The following ZFAND3 variants were observed in gnomAD, a reference collection of about 807,000 sequenced individuals.
ZFAND3 encodes the protein AN1-type zinc finger protein 3.
Under a neutral mutation model 29.6 loss-of-function variants are expected in ZFAND3, and 10 were observed. The observed-to-expected ratio is 0.34, with a 90% CI of 0.21 to 0.57. ZFAND3 has a LOEUF of 0.57. ZFAND3 is among the 20% of genes least tolerant of loss of function. ZFAND3 has a pLI of 0.86. For missense variants in ZFAND3, 230 were observed against 304.5 expected (o/e 0.76, Z 1.82); for synonymous variants, 128 against 112.6 (o/e 1.14, Z -0.87).
intron 1 of ZFAND3, among the ~76,000 whole-genome samples, chr6:37,889,407 C>G (rs1373289568): frequency 6.6e-6 from 1 of 152,064 alleles, no homozygotes. Context: ...TGGCTTAGAC[C>G]AATTTTGATT....
intron 2 of ZFAND3, among the ~76,000 whole-genome samples, chr6:37,947,837 G>A (rs907196088): frequency 6.6e-6 from 1 of 151,968 alleles, no homozygotes; most frequent in African/African-American, 2.4e-5. Context: ...TAAATCTTCA[G>A]TATTTACTTT....
chr6:38,016,689 A>T (rs897683253), intron 2 of ZFAND3, among the ~76,000 whole-genome samples: 2 of 152,200 alleles, frequency 1.3e-5, no homozygotes, highest in African/African-American at 2.4e-5. Context: ...CATACATGGT[A>T]TGTAAAGGTA....
chr6:38,093,207 G>A (rs539378320), intron 4 of ZFAND3, among the ~76,000 whole-genome samples: 2 of 152,318 alleles, frequency 1.3e-5, no homozygotes, highest in South Asian at 4.1e-4. Context: ...TCTGTGGGTA[G>A]TGGCCAGTGG....
At chr6:37,854,231 G>A (rs941652825) in intron 1 of ZFAND3, among the ~76,000 whole-genome samples, 1 of 152,144 alleles carries the variant, frequency 6.6e-6, no homozygotes, top group South Asian at 2.1e-4. Flanking sequence ...GATTACAAGC[G>A]TGATCCACTG....
chr6:37,884,494 C>CAAAAAAAAA (rs58015486), intron 1 of ZFAND3, among the ~76,000 whole-genome samples: 1 of 53,842 alleles, frequency 1.9e-5, no homozygotes, highest in Non-Finnish European at 3.0e-5. Context: ...AACTCTAGCT[C>CAAAAAAAAA]AAAAAAAAAA....
intron 2 of ZFAND3, among the ~76,000 whole-genome samples, chr6:38,017,529 TTTAGC>T (rs1763272385): frequency 6.6e-6 from 1 of 152,218 alleles, no homozygotes; most frequent in Non-Finnish European, 1.5e-5. Flanking sequence ...CTGAAGGCAC[TTTAGC>T]AGAGCTTGTC....
At chr6:37,885,242 G>T (rs191731356) in intron 1 of ZFAND3, among the ~76,000 whole-genome samples, 34 of 152,268 alleles carry the variant, frequency 2.2e-4, no homozygotes, top group African/African-American at 8.2e-4. Flanking sequence ...GGTCTCTATT[G>T]AGGTGACTAT....
intron 2 of ZFAND3, among the ~76,000 whole-genome samples, chr6:38,027,866 A>G (rs1763479191): frequency 6.6e-6 from 1 of 152,208 alleles, no homozygotes; most frequent in Admixed American, 6.5e-5. Context: ...TTTGAGCACA[A>G]GTGCTCCTGA....
intron 2 of ZFAND3, among the ~76,000 whole-genome samples, chr6:37,999,796 A>G (rs1762912810): frequency 1.3e-5 from 2 of 152,236 alleles, no homozygotes; most frequent in African/African-American, 4.8e-5. Context: ...TGGGAAAAGA[A>G]CATCAGGTAA....
intron 5 of ZFAND3, among the ~76,000 whole-genome samples, chr6:38,126,869 ATT>A (rs1001867825): frequency 6.6e-6 from 1 of 151,088 alleles, no homozygotes; most frequent in Non-Finnish European, 1.5e-5. Flanking sequence ...ATTCCTAAAT[ATT>A]TTAGTTTGTG....
At chr6:38,048,149 G>A (rs1039862061) in intron 2 of ZFAND3, among the ~76,000 whole-genome samples, 5 of 151,850 alleles carry the variant, frequency 3.3e-5, no homozygotes, top group Non-Finnish European at 7.4e-5. Flanking sequence ...GGGACTACAG[G>A]CGCGCACCAT....
chr6:38,076,636 AG>A lies in ZFAND3; in HGVS notation c.296-5755del, dbSNP rs571118655. Among the ~76,000 whole-genome samples the A allele has an allele frequency of 1.8e-3, 280 of 152,318 alleles. 1 individual carries two copies. The highest frequency in any genetic ancestry group is 6.4e-3 in the African/African-American group (267 of 41,572). On this transcript the variant is annotated intron_variant, in intron 3 of 5. Transcript: ENST00000287218. The stretch of plus-strand genomic sequence containing the variant: ...AGATTAACACTTAGATTCCTTAAAA[AG>A]TTTTGTAAATGGTTTAATTTGGAAG...
intron 1 of ZFAND3, among the ~76,000 whole-genome samples, chr6:37,892,898 CAG>C (rs1327993534): frequency 6.6e-6 from 1 of 152,126 alleles, no homozygotes; most frequent in East Asian, 1.9e-4. Flanking sequence ...GAAACAGACT[CAG>C]AAAGTAGAAG....
chr6:37,906,216 A>T, intron 1 of ZFAND3, among the ~76,000 whole-genome samples: 1 of 152,128 alleles, frequency 6.6e-6, no homozygotes, highest in Non-Finnish European at 1.5e-5. Context: ...TTTTCTCTGT[A>T]TCCGCTTGCA....
At chr6:38,045,610 A>G (rs1763887827) in intron 2 of ZFAND3, among the ~76,000 whole-genome samples, 1 of 152,168 alleles carries the variant, frequency 6.6e-6, no homozygotes, top group African/African-American at 2.4e-5. Context: ...AGATATAAAT[A>G]TATATTATCT....
chr6:38,129,258 C>T (rs1203032665), intron 5 of ZFAND3, among the ~76,000 whole-genome samples: 2 of 152,172 alleles, frequency 1.3e-5, no homozygotes, highest in East Asian at 3.8e-4. Context: ...TAAAGATTTT[C>T]TCCCACTCTG....
At chr6:38,079,336 T>C (rs1032957896) in intron 3 of ZFAND3, among the ~76,000 whole-genome samples, 6 of 152,182 alleles carry the variant, frequency 3.9e-5, no homozygotes, top group Admixed American at 3.3e-4. Context: ...AGTGAATACA[T>C]TGGATTAGGT....
intron 1 of ZFAND3, among the ~76,000 whole-genome samples, chr6:37,906,628 C>T (rs1765411772): frequency 6.6e-6 from 1 of 151,892 alleles, no homozygotes; most frequent in East Asian, 1.9e-4. Flanking sequence ...ACAGTGGCTG[C>T]ACCATTTTAC....
At chr6:38,045,261 T>A (rs1434509975) in intron 2 of ZFAND3, among the ~76,000 whole-genome samples, 2 of 151,748 alleles carry the variant, frequency 1.3e-5, no homozygotes, top group East Asian at 3.9e-4. Context: ...CTAATTTTTG[T>A]ATTTTTAGTA....
Sources: gnomAD v4.1 joint callset for allele counts (sites outside exome capture counted in the v4.1 genomes callset) on GRCh38, gnomAD v4.1.1 for gene constraint, MANE v1.5 for transcripts, NCBI Gene and HGNC (gene_info 2026-07-23, HGNC 2026-07-21) for gene names.